The following LGR5 variants were observed in gnomAD, a reference collection of about 807,000 sequenced individuals.
LGR5 encodes the protein leucine-rich repeat-containing G protein-coupled receptor 5.
A neutral mutation model predicts 76.7 loss-of-function variants in LGR5; 54 were observed. The ratio of observed to expected loss-of-function variants is 0.70; its 90% CI spans 0.57 to 0.88. The LOEUF is 0.88. Ranked by LOEUF, LGR5 falls within the 40% of genes least tolerant of loss-of-function variation. The pLI is 0.00. For synonymous variants in LGR5, 406 were observed against 421.9 expected (o/e 0.96, Z 0.46); for missense variants, 1,078 against 1,073.3 (o/e 1.00, Z -0.06).
At chr12:71,558,945 CT>C (rs1348482029) in intron 6 of LGR5, among the ~76,000 whole-genome samples, 4 of 152,296 alleles carry the variant, frequency 2.6e-5, no homozygotes, top group Non-Finnish European at 5.9e-5. Flanking sequence ...TAACATAGAG[CT>C]TTGCTGCACA....
intron 1 of LGR5, among the ~76,000 whole-genome samples, chr12:71,459,195 T>A (rs1872599216): frequency 1.3e-5 from 2 of 152,146 alleles, no homozygotes; most frequent in Non-Finnish European, 2.9e-5. Flanking sequence ...AGCCCTCTCA[T>A]AAGGCAAAGC....
chr12:71,536,157 A>G (rs1297120359), intron 4 of LGR5, among the ~76,000 whole-genome samples: 1 of 152,218 alleles, frequency 6.6e-6, no homozygotes, highest in African/African-American at 2.4e-5. Flanking sequence ...CGTGATGAGG[A>G]AGATAAATGC....
At chr12:71,443,359 G>A (rs931135531) in intron 1 of LGR5, among the ~76,000 whole-genome samples, 3 of 152,148 alleles carry the variant, frequency 2.0e-5, no homozygotes, top group Non-Finnish European at 2.9e-5. Flanking sequence ...TTACTGAGCT[G>A]CCTTCCACAG....
intron 3 of LGR5, 71 bp downstream of exon 3, chr12:71,524,548 A>G: frequency 9.4e-7 from 1 of 1,063,208 alleles, no homozygotes; most frequent in Non-Finnish European, 1.5e-6. Context: ...AACTTGTAAA[A>G]GCTGAGTGTC....
intron 2 of LGR5, among the ~76,000 whole-genome samples, chr12:71,508,309 T>C (rs1874962651): frequency 6.6e-6 from 1 of 152,210 alleles, no homozygotes; most frequent in East Asian, 1.9e-4. Context: ...ATATCATTTC[T>C]CTCATTTAAT....
At chr12:71,443,945 A>G (rs1165491685) in intron 1 of LGR5, among the ~76,000 whole-genome samples, 5 of 152,034 alleles carry the variant, frequency 3.3e-5, no homozygotes, top group African/African-American at 1.2e-4. Context: ...TAGTTTGGTT[A>G]CTTTTTCATA....
chr12:71,575,797 A>T lies in LGR5; in HGVS notation c.1209-2128A>T, dbSNP rs187747513. Among the ~76,000 whole-genome samples, 59 of 151,710 alleles carry T rather than the reference A, an allele frequency of 3.9e-4. No homozygotes were observed. In the East Asian group the frequency reaches 9.3e-3, roughly 24 times the overall value. On this transcript the variant is annotated intron_variant, in intron 13 of 17. Transcript: ENST00000266674. ...TAAAGATACATGCACACATATGTTC[A>T]TTGCAGCACTATTCACAATAGCAAA...
chr12:71,489,410 A>G (rs1266264942), intron 1 of LGR5, among the ~76,000 whole-genome samples: 1 of 152,156 alleles, frequency 6.6e-6, no homozygotes, highest in Non-Finnish European at 1.5e-5. Flanking sequence ...CTTTTAGACA[A>G]CATTTTTGTT....
At chr12:71,564,604 G>A (rs1482396054) in intron 8 of LGR5, among the ~76,000 whole-genome samples, 2 of 145,440 alleles carry the variant, frequency 1.4e-5, no homozygotes, top group African/African-American at 5.2e-5. Context: ...CACACGCACC[G>A]TGTATATATG....
intron 13 of LGR5, among the ~76,000 whole-genome samples, chr12:71,574,605 T>C (rs1440593213): frequency 6.6e-6 from 1 of 152,170 alleles, no homozygotes; most frequent in Non-Finnish European, 1.5e-5. Flanking sequence ...TCAAAAACTT[T>C]CTAATTATTT....
rs1874151745 is a variant in LGR5 at position 71,493,146 on chromosome 12, G to A, written c.213-11468G>A. Among the ~76,000 whole-genome samples the A allele has an allele frequency of 1.3e-5, 2 of 151,294 alleles. 1 individual carries two copies. Among genetic ancestry groups the A allele is most frequent in the African/African-American group, 4.9e-5 (2 of 40,588 alleles). On this transcript the variant is annotated intron_variant, in intron 1 of 17. Transcript: ENST00000266674. ...TTTCTTTTTATTTGTATACATAGTT[G>A]AATAACGGACCAATCTTTTGTGGGA...
intron 1 of LGR5, among the ~76,000 whole-genome samples, chr12:71,500,415 T>A (rs1874548425): frequency 6.6e-6 from 1 of 151,856 alleles, no homozygotes; most frequent in Admixed American, 6.6e-5. Flanking sequence ...ATCAGTTAAC[T>A]CCAAAATCCT....
At chr12:71,545,153 A>G (rs1877090393) in intron 4 of LGR5, among the ~76,000 whole-genome samples, 1 of 152,090 alleles carries the variant, frequency 6.6e-6, no homozygotes, top group South Asian at 2.1e-4. Context: ...ATCTTTTTAT[A>G]ATGCTCATCC....
At chr12:71,544,261 TTTTTTTTTTTCTTTGTC>T (rs1565738740) in intron 4 of LGR5, among the ~76,000 whole-genome samples, 1 of 100,502 alleles carries the variant, frequency 1.0e-5, no homozygotes, top group African/African-American at 2.9e-5. Flanking sequence ...GGGAAATTCT[TTTTTTTTTTTCTTTGTC>T]TTTTTTTTTT....
chr12:71,439,991 C>T lies in LGR5; in HGVS notation c.-90C>T. On this transcript the variant is annotated 5_prime_UTR_variant, in exon 1 of 18. Coordinates refer to ENST00000266674, the MANE Select transcript of LGR5 (RefSeq NM_003667.4). ...AGACGCCCGCTGAGTTGCAGAAGCC[C>T]ACGGAGCGGCGCCCGGCGCGCCACG... 1 of 1,283,248 alleles carries T rather than the reference C, an allele frequency of 7.8e-7. No individual in the cohort carries two copies. Among genetic ancestry groups the T allele is most frequent in the Non-Finnish European group, 1.1e-6 (1 of 917,968 alleles). 79.5% of individuals were successfully genotyped at this position (1,283,248 alleles called of 1,614,324 possible).
intron 3 of LGR5, among the ~76,000 whole-genome samples, chr12:71,532,519 G>GA (rs1876368818): frequency 6.6e-6 from 1 of 152,070 alleles, no homozygotes; most frequent in South Asian, 2.1e-4. Context: ...ACGTTCCTTA[G>GA]AAAAAACTCT....
chr12:71,515,846 C>T (rs183835885), intron 2 of LGR5, among the ~76,000 whole-genome samples: 1 of 152,314 alleles, frequency 6.6e-6, no homozygotes, highest in East Asian at 1.9e-4. Context: ...CAAGTTCATT[C>T]TACTCCAATT....
rs369392073 is a variant in LGR5 at position 71,578,096 on chromosome 12, A to G, written c.1280+100A>G. On this transcript the variant is annotated intron_variant, in intron 14 of 17. Coordinates refer to ENST00000266674, the MANE Select transcript of LGR5 (RefSeq NM_003667.4). ...TTTGTTGAAGAAGCTGGATATGCACAGATTACCTGCCTCTGTGTTCTCCAT... is the reference window on the plus strand; with the variant it reads ...TTTGTTGAAGAAGCTGGATATGCACGGATTACCTGCCTCTGTGTTCTCCAT... 8 of 854,940 alleles carry G rather than the reference A, an allele frequency of 9.4e-6. No homozygotes were observed. The East Asian group carries it at 1.5e-4, about 16-fold the overall frequency. The allele number at this position is 854,940 out of a possible 1,614,324, so 53.0% of individuals were successfully genotyped here.
chr12:71,543,829 C>A (rs755053962), intron 4 of LGR5, among the ~76,000 whole-genome samples: 1 of 152,170 alleles, frequency 6.6e-6, no homozygotes, highest in Non-Finnish European at 1.5e-5. Flanking sequence ...ATGGAAAGAA[C>A]TTAGTGAATG....
Sources: allele counts gnomAD v4.1 joint callset (sites outside exome capture counted in the v4.1 genomes callset), GRCh38; gene constraint gnomAD v4.1.1; transcripts MANE v1.5; gene names NCBI Gene and HGNC (gene_info 2026-07-23, HGNC 2026-07-21).